The following RANBP2 variants were observed in gnomAD, a reference collection of about 807,000 sequenced individuals.
The protein encoded by RANBP2 is RAN binding protein 2, also known as E3 SUMO-protein ligase RanBP2.
Under a neutral mutation model 303.6 loss-of-function variants are expected in RANBP2, and 57 were observed. The observed-to-expected ratio is 0.19, with a 90% CI of 0.15 to 0.23. The LOEUF (loss-of-function observed/expected upper bound fraction) is 0.23, where lower values mean the gene tolerates loss of function less well. Among genes scored for constraint, RANBP2 ranks in the 10% least tolerant of loss-of-function variants. The pLI, the probability that RANBP2 is intolerant of heterozygous loss-of-function variation, is 1.00. For synonymous variants in RANBP2, 1,167 were observed against 1,301.5 expected (o/e 0.90, Z 2.23); for missense variants, 3,138 against 3,780.8 (o/e 0.83, Z 4.46).
At chr2:109,420,628 G>C in the RANBP2 span, among the ~76,000 whole-genome samples, 1 of 152,092 alleles carries the variant, frequency 6.6e-6, no homozygotes, top group Non-Finnish European at 1.5e-5. Flanking sequence ...TGTATTTTTA[G>C]TAGAGATGGG....
At chr2:109,435,797 A>T in the RANBP2 span, among the ~76,000 whole-genome samples, 12 of 152,190 alleles carry the variant, frequency 7.9e-5, no homozygotes, top group East Asian at 2.1e-3. Flanking sequence ...CTCGGGGAAA[A>T]GTGAGCTCAA....
At chr2:109,694,283 A>G in the RANBP2 span, among the ~76,000 whole-genome samples, 1 of 152,114 alleles carries the variant, frequency 6.6e-6, no homozygotes, top group South Asian at 2.1e-4. Flanking sequence ...CTGCTCTGGC[A>G]GTGTGACAGG....
At chr2:109,616,377 C>G in the RANBP2 span, 1 of 220,144 alleles carries the variant, frequency 4.5e-6, no homozygotes. Flanking sequence ...ATGAGAGTTC[C>G]TTTGCTTTAA....
At chr2:109,652,590 C>A in the RANBP2 span, among the ~76,000 whole-genome samples, 1 of 152,138 alleles carries the variant, frequency 6.6e-6, no homozygotes, top group East Asian at 1.9e-4. Flanking sequence ...AAGGAAGTCA[C>A]GTTTCACACG....
At chr2:108,907,881 G>A in the RANBP2 span, 1 of 1,613,464 alleles carries the variant, frequency 6.2e-7, no homozygotes, top group Non-Finnish European at 8.5e-7. Flanking sequence ...TGTTGCTGGT[G>A]GCAGACTTCT....
chr2:109,536,388 C>CT, the RANBP2 span, among the ~76,000 whole-genome samples: 1 of 152,210 alleles, frequency 6.6e-6, no homozygotes, highest in South Asian at 2.1e-4. Flanking sequence ...CGTTTTGGAG[C>CT]TTTAAGATTT....
chr2:109,456,809 T>C, the RANBP2 span, among the ~76,000 whole-genome samples: 15 of 152,192 alleles, frequency 9.9e-5, no homozygotes, highest in African/African-American at 3.6e-4. Flanking sequence ...CCAGGCTCCA[T>C]GGTACCCACA....
chr2:109,018,568 T>C, the RANBP2 span, among the ~76,000 whole-genome samples: 12 of 152,212 alleles, frequency 7.9e-5, no homozygotes, highest in Non-Finnish European at 1.8e-4. Context: ...CGCTGACCCC[T>C]GCTCTCCACT....
At chr2:109,082,825 CTT>C in the RANBP2 span, among the ~76,000 whole-genome samples, 13 of 123,760 alleles carry the variant, frequency 1.1e-4, no homozygotes, top group Admixed American at 8.6e-5. Flanking sequence ...GACCCCATGT[CTT>C]TTTTTTTTTT....
the RANBP2 span, among the ~76,000 whole-genome samples, chr2:109,274,848 AC>A: frequency 6.6e-6 from 1 of 151,976 alleles, no homozygotes; most frequent in Non-Finnish European, 1.5e-5. Context: ...TTTGTAGATT[AC>A]CATAATGTAA....
downstream of RANBP2, chr2:108,788,752 G>A (rs957832994): frequency 9.5e-6 from 14 of 1,467,526 alleles, no homozygotes; most frequent in African/African-American, 4.4e-5. Context: ...ATTTGAGAGA[G>A]AAGATTTTAA....
At chr2:109,588,906 GAAATT>G in the RANBP2 span, among the ~76,000 whole-genome samples, 1 of 141,916 alleles carries the variant, frequency 7.0e-6, no homozygotes, top group Non-Finnish European at 1.5e-5. Context: ...AAGCAGAAAT[GAAATT>G]GAGTCATAAA....
rs147344262 is a variant in RANBP2, at chr2:108,726,163, T to C, written c.73-2969T>C. 1.3e-4 allele frequency among the ~76,000 whole-genome samples: 20 copies of C among 152,294 alleles called. No homozygotes were observed. The East Asian group carries it at 3.9e-3, about 29-fold the overall frequency. On this transcript the variant is annotated intron_variant, in intron 1 of 28. Transcript: ENST00000283195. ...AAATTGCAAACGGTTCTGAATAACA[T>C]GGTAAAAATCTCACGGCCTCCTGCT...
intron 1 of RANBP2, among the ~76,000 whole-genome samples, chr2:108,726,457 T>A (rs1282578083): frequency 1.3e-5 from 2 of 149,852 alleles, no homozygotes; most frequent in Non-Finnish European, 3.0e-5. Context: ...TTTTTTTGGC[T>A]TAAACAACAG....
the RANBP2 span, among the ~76,000 whole-genome samples, chr2:108,932,385 C>T: frequency 5.9e-5 from 9 of 151,738 alleles, no homozygotes; most frequent in East Asian, 1.9e-4. Flanking sequence ...AAAAATTACC[C>T]GGGCATGGTG....
chr2:109,535,626 G>A, the RANBP2 span, among the ~76,000 whole-genome samples: 1 of 152,322 alleles, frequency 6.6e-6, no homozygotes, highest in African/African-American at 2.4e-5. Flanking sequence ...TTTCTGCACA[G>A]CCAGGAATGT....
chr2:108,946,893 C>CT, the RANBP2 span, among the ~76,000 whole-genome samples: 2 of 126,534 alleles, frequency 1.6e-5, no homozygotes, highest in African/African-American at 7.3e-5. Flanking sequence ...TCCCAAATCT[C>CT]ATCTTTTTTT....
chr2:109,271,848 A>G, the RANBP2 span, among the ~76,000 whole-genome samples: 1 of 152,244 alleles, frequency 6.6e-6, no homozygotes, highest in Non-Finnish European at 1.5e-5. Context: ...GTATCCTATA[A>G]CTGGAGTATT....
the RANBP2 span, chr2:109,605,750 T>G: frequency 2.6e-5 from 4 of 152,220 alleles, no homozygotes; most frequent in African/African-American, 4.8e-5. Flanking sequence ...CAGAGTTACA[T>G]GGAAACTGTA....
Sources: allele counts gnomAD v4.1 joint callset (sites outside exome capture counted in the v4.1 genomes callset), GRCh38; gene constraint gnomAD v4.1.1; transcripts MANE v1.5; gene names NCBI Gene and HGNC (gene_info 2026-07-23, HGNC 2026-07-21).